NNMT: variants seen among roughly 807,000 people sequenced by gnomAD.
The protein encoded by NNMT is nicotinamide N-methyltransferase.
NNMT carries 10 observed loss-of-function variants against 11.7 expected under a neutral mutation model. That is an observed-to-expected ratio of 0.85 (90% CI 0.53 to 1.45). The LOEUF is 1.45. Ranked by LOEUF, NNMT falls within the 40% of genes most tolerant of loss-of-function variation. The pLI, the probability that NNMT is intolerant of heterozygous loss-of-function variation, is 0.00. For synonymous variants in NNMT, 143 were observed against 133.8 expected (o/e 1.07, Z -0.48); for missense variants, 381 against 319.4 (o/e 1.19, Z -1.47).
At chr11:114,263,950 G>T (rs1430577265) in intron 2 of NNMT, among the ~76,000 whole-genome samples, 1 of 152,158 alleles carries the variant, frequency 6.6e-6, no homozygotes, top group African/African-American at 2.4e-5. Flanking sequence ...GCCTTCAGGA[G>T]ACAGGGCCTG....
At chr11:114,264,025 T>G (rs1945102444) in intron 2 of NNMT, among the ~76,000 whole-genome samples, 1 of 152,148 alleles carries the variant, frequency 6.6e-6, no homozygotes, top group Non-Finnish European at 1.5e-5. Flanking sequence ...GCTTCCTGTT[T>G]CTAATGGACT....
intron 2 of NNMT, among the ~76,000 whole-genome samples, chr11:114,286,858 A>T (rs1444431959): frequency 6.6e-6 from 1 of 152,158 alleles, no homozygotes; most frequent in Non-Finnish European, 1.5e-5. Flanking sequence ...TGTTTTCCAT[A>T]ACGCTGCACC....
intron 2 of NNMT, among the ~76,000 whole-genome samples, chr11:114,281,157 C>A (rs1945259855): frequency 6.6e-6 from 1 of 152,178 alleles, no homozygotes; most frequent in South Asian, 2.1e-4. Context: ...CAGCCTCTCT[C>A]TGCTGTAGTA....
intron 2 of NNMT, among the ~76,000 whole-genome samples, chr11:114,279,712 T>G (rs1945244826): frequency 6.6e-6 from 1 of 152,218 alleles, no homozygotes; most frequent in South Asian, 2.1e-4. Context: ...GCCCCTGCAA[T>G]CAGACTTCAC....
upstream of NNMT, among the ~76,000 whole-genome samples, chr11:114,291,784 CCT>C (rs1253101829): frequency 6.6e-6 from 1 of 152,106 alleles, no homozygotes; most frequent in Non-Finnish European, 1.5e-5. Context: ...GCATTTGCCA[CCT>C]CTGTTACACT....
chr11:114,278,957 C>T lies in NNMT; in HGVS notation c.-130+16023C>T, dbSNP rs906095641. 5.9e-5 allele frequency among the ~76,000 whole-genome samples: 9 copies of T among 152,158 alleles called. No individual in the cohort carries two copies. In the East Asian group the frequency reaches 7.7e-4, roughly 13 times the overall value. Reference sequence around the variant, plus strand: ...CAGGGTTTCCAGGGCAGGTGCCCTACGCAAGACTGGGTTGCCTGGTGCTCC... The same window carrying T: ...CAGGGTTTCCAGGGCAGGTGCCCTATGCAAGACTGGGTTGCCTGGTGCTCC... On this transcript the variant is annotated intron_variant, in intron 2 of 4. Transcript: ENST00000535401.
chr11:114,266,139 T>G (rs1023222833), intron 2 of NNMT, among the ~76,000 whole-genome samples: 1 of 152,222 alleles, frequency 6.6e-6, no homozygotes, highest in Admixed American at 6.5e-5. Context: ...AATTGTCAGT[T>G]ATTACCTGAA....
intron 2 of NNMT, among the ~76,000 whole-genome samples, chr11:114,309,800 C>T (rs1945533340): frequency 6.6e-6 from 1 of 152,196 alleles, no homozygotes; most frequent in African/African-American, 2.4e-5. Context: ...AATCCCTCAG[C>T]TCCTGGCAAC....
chr11:114,287,220 T>C (rs769667883), intron 2 of NNMT, among the ~76,000 whole-genome samples: 39 of 152,234 alleles, frequency 2.6e-4, no homozygotes, highest in Non-Finnish European at 2.5e-4. Flanking sequence ...AAAGTGTCTT[T>C]GGTCGAACAG....
rs1945323054 is a variant in NNMT, at chr11:114,289,919, C to T, written c.-129-6509C>T. On this transcript the variant is annotated intron_variant, in intron 2 of 4. Transcript: ENST00000535401. ...GGCTGGGAAGTACAAGATTGAGGCA[C>T]CAGCAGATTCAGTGTCTGGTGAGGG... Among the ~76,000 whole-genome samples the T allele has an allele frequency of 2.0e-5, 3 of 152,126 alleles. No individual in the cohort carries two copies. The South Asian group carries it at 6.2e-4, about 32-fold the overall frequency.
In NNMT at chr11:114,312,007, G is replaced by A. The variant is rs367564676; in HGVS notation, c.363-38G>A. 5.3e-5 allele frequency: 81 copies of A among 1,525,288 alleles called. No homozygotes were observed. In the African/African-American group the frequency reaches 9.1e-4, roughly 17 times the overall value. 94.5% of individuals were successfully genotyped at this position (1,525,288 alleles called of 1,614,324 possible). ...CAAGAGATCTGGGTTCCCCATGACT[G>A]GAGTGGAAAACAATGTCTGTGGGTT... On this transcript the variant is annotated intron_variant, in intron 2 of 2. Coordinates refer to ENST00000299964, the MANE Select transcript of NNMT (RefSeq NM_006169.3).
intron 2 of NNMT, among the ~76,000 whole-genome samples, chr11:114,280,342 C>T (rs543445947): frequency 1.8e-4 from 27 of 152,084 alleles, no homozygotes; most frequent in Admixed American, 1.8e-3. Context: ...CTCACACAGC[C>T]AGATGGTGGT....
chr11:114,258,933 T>C (rs1945052406), intron 1 of NNMT, among the ~76,000 whole-genome samples: 1 of 152,230 alleles, frequency 6.6e-6, no homozygotes, highest in Non-Finnish European at 1.5e-5. Context: ...CCCTTCTGTC[T>C]GGCTCTCTCA....
chr11:114,300,429 G>T (rs75592743), intron 2 of NNMT, among the ~76,000 whole-genome samples: 1,567 of 152,112 alleles, frequency 0.01, 22 homozygotes, highest in African/African-American at 0.036. Context: ...TTATTTTGTG[G>T]CTCTGCATAT....
Position 114,312,207 on chromosome 11 carries a change from C to A in NNMT, c.525C>A (p.Thr175=). ...CLDAACPDLP[T]YCRALRNLGS... is the part of the protein sequence containing the mutation. The stretch of plus-strand genomic sequence containing the variant: ...ATGCCGCCTGCCCAGACCTCCCCAC[C>A]TACTGCAGGGCGCTCAGGAACCTCG... Residue 175 remains threonine (T), a synonymous_variant, in exon 3 of 3, where the codon ACC becomes ACA. Coordinates refer to ENST00000299964, the MANE Select transcript of NNMT (RefSeq NM_006169.3). 6.2e-7 allele frequency: 1 copy of A among 1,614,240 alleles called. No homozygotes were observed. The highest frequency in any genetic ancestry group is 8.5e-7 in the Non-Finnish European group (1 of 1,180,046).
At chr11:114,301,299 C>G (rs1392731790) in intron 2 of NNMT, among the ~76,000 whole-genome samples, 1 of 152,128 alleles carries the variant, frequency 6.6e-6, no homozygotes, top group East Asian at 1.9e-4. Flanking sequence ...TGTGGTATGT[C>G]TACACAAAAA....
In NNMT at chr11:114,297,587, G is replaced by A. The variant is rs1360092683; in HGVS notation, c.155-364G>A. Among the ~76,000 whole-genome samples the A allele has an allele frequency of 8.0e-5, 12 of 150,610 alleles. No homozygotes were observed. In the East Asian group the frequency reaches 2.0e-3, roughly 25 times the overall value. The stretch of plus-strand genomic sequence containing the variant: ...CATAGTCTCGAACTCCTGGACTCAA[G>A]GGATCCTTCTGCCTCAGCCTCTCCA... On this transcript the variant is annotated intron_variant, in intron 1 of 2. Transcript: ENST00000299964.
intron 2 of NNMT, among the ~76,000 whole-genome samples, chr11:114,277,135 A>G (rs903244190): frequency 1.3e-5 from 2 of 152,114 alleles, no homozygotes; most frequent in African/African-American, 4.8e-5. Flanking sequence ...AAGCAGGAGA[A>G]TCTCTTGAAC....
In NNMT at chr11:114,296,520, G is replaced by A; in HGVS notation, c.-37G>A. ...TCCCTGGCTTCTGGAGGAAAGAGAA[G>A]GAGGGCAGTGCTCCAGTGGTACAGA... On this transcript the variant is annotated 5_prime_UTR_variant, in exon 1 of 3. Transcript: ENST00000299964. 4 of 1,603,982 alleles carry A rather than the reference G, an allele frequency of 2.5e-6. No homozygotes were observed. The highest frequency in any genetic ancestry group is 3.4e-6 in the Non-Finnish European group (4 of 1,174,784).
Sources: gnomAD v4.1 joint callset for allele counts (sites outside exome capture counted in the v4.1 genomes callset) on GRCh38, gnomAD v4.1.1 for gene constraint, MANE v1.5 for transcripts, NCBI Gene and HGNC (gene_info 2026-07-23, HGNC 2026-07-21) for gene names.